The following MTMR7 variants were observed in gnomAD, a reference collection of about 807,000 sequenced individuals.
The protein encoded by MTMR7 is myotubularin related protein 7.
MTMR7 carries 76 observed loss-of-function variants against 81.2 expected under a neutral mutation model. That is an observed-to-expected ratio of 0.94 (90% CI 0.78 to 1.13). MTMR7 has a LOEUF of 1.13. MTMR7 is among the 50% of genes most tolerant of loss of function. MTMR7 has a pLI of 0.00. For missense variants in MTMR7, 1,044 were observed against 820.0 expected (o/e 1.27, Z -3.34); for synonymous variants, 372 against 289.8 (o/e 1.28, Z -2.88).
chr8:17,368,113 G>C (rs1285535745), intron 3 of MTMR7, among the ~76,000 whole-genome samples: 1 of 152,056 alleles, frequency 6.6e-6, no homozygotes, highest in Non-Finnish European at 1.5e-5. Flanking sequence ...GTTTCAGGAT[G>C]AAACTCTTCC....
chr8:17,362,558 CG>C (rs1207438666), intron 3 of MTMR7, among the ~76,000 whole-genome samples: 18 of 152,152 alleles, frequency 1.2e-4, no homozygotes, highest in African/African-American at 4.1e-4. Flanking sequence ...AGCCAGTTAC[CG>C]GAGAGTCCAG....
Position 17,341,349 on chromosome 8 carries a change from A to G in MTMR7, c.732+14T>C, listed in dbSNP as rs775409755. The G allele has an allele frequency of 6.2e-7, 1 of 1,613,792 alleles. No homozygotes were observed. Among genetic ancestry groups the G allele is most frequent in the East Asian group, 2.2e-5 (1 of 44,862 alleles). Reference sequence around the variant, plus strand: ...CTCAGGTGCAAAGACATGCATCGCAACGGTGACACTTACTTTAGGCCGGGT... The same window carrying G: ...CTCAGGTGCAAAGACATGCATCGCAGCGGTGACACTTACTTTAGGCCGGGT... On this transcript the variant is annotated intron_variant, in intron 6 of 13. Transcript: ENST00000180173.
chr8:17,369,853 G>C (rs189993501), intron 3 of MTMR7, among the ~76,000 whole-genome samples: 45 of 151,884 alleles, frequency 3.0e-4, no homozygotes, highest in Admixed American at 5.2e-4. Flanking sequence ...CGCCGTCTTA[G>C]CCAGGATGGT....
intron 1 of MTMR7, among the ~76,000 whole-genome samples, chr8:17,377,256 G>T (rs1407484440): frequency 2.0e-5 from 3 of 151,934 alleles, no homozygotes; most frequent in African/African-American, 7.2e-5. Context: ...TTCTTATGTG[G>T]TTACAGATCC....
chr8:17,311,457 G>A, intron 9 of MTMR7, 54 bp downstream of exon 9: 4 of 1,610,756 alleles, frequency 2.5e-6, no homozygotes, highest in Non-Finnish European at 3.4e-6. Context: ...AAAAACAGGG[G>A]TCCATTCCTG....
chr8:17,384,050 C>G (rs1820848758), intron 1 of MTMR7, among the ~76,000 whole-genome samples: 1 of 152,058 alleles, frequency 6.6e-6, no homozygotes, highest in Admixed American at 6.6e-5. Context: ...GACAAATGAT[C>G]CCATCTGTAA....
intron 5 of MTMR7, among the ~76,000 whole-genome samples, chr8:17,346,884 TAAAAAAA>T (rs55910829): frequency 7.4e-4 from 48 of 65,050 alleles, no homozygotes; most frequent in East Asian, 2.8e-3. Flanking sequence ...CCTATCTTAA[TAAAAAAA>T]AAAAAAAAAA....
chr8:17,321,969 C>G (rs1422220076), intron 7 of MTMR7, among the ~76,000 whole-genome samples: 4 of 152,180 alleles, frequency 2.6e-5, no homozygotes, highest in African/African-American at 7.2e-5. Context: ...ATTTCCTATA[C>G]CACTCTTATT....
At chr8:17,335,295 G>A (rs1337382475) in intron 6 of MTMR7, among the ~76,000 whole-genome samples, 1 of 152,108 alleles carries the variant, frequency 6.6e-6, no homozygotes, top group Non-Finnish European at 1.5e-5. Context: ...AGGCACTCAA[G>A]GAAGATTTAC....
intron 1 of MTMR7, among the ~76,000 whole-genome samples, chr8:17,412,539 G>C (rs1291452188): frequency 3.6e-4 from 55 of 152,280 alleles, no homozygotes; most frequent in Admixed American, 3.6e-3. Context: ...TTGGTACAGC[G>C]ATCAACGTTT....
chr8:17,371,223 T>A (rs1252037534), intron 2 of MTMR7, 24 bp from the exon 3 acceptor site: 3 of 1,611,108 alleles, frequency 1.9e-6, no homozygotes, highest in Admixed American at 1.7e-5. Context: ...TTAATGTGCA[T>A]AAGCTAAGCA....
intron 3 of MTMR7, among the ~76,000 whole-genome samples, chr8:17,366,663 G>C (rs907350411): frequency 4.6e-5 from 7 of 152,128 alleles, no homozygotes; most frequent in African/African-American, 7.2e-5. Context: ...GAGGCGGGCG[G>C]ATCATGAGGT....
intron 13 of MTMR7, among the ~76,000 whole-genome samples, chr8:17,301,360 G>C (rs1201677246): frequency 6.6e-6 from 1 of 152,188 alleles, no homozygotes; most frequent in Non-Finnish European, 1.5e-5. Context: ...ACAGGACTGT[G>C]AAAGATTTAA....
At chr8:17,388,080 G>A (rs1821004387) in intron 1 of MTMR7, among the ~76,000 whole-genome samples, 1 of 152,128 alleles carries the variant, frequency 6.6e-6, no homozygotes, top group Non-Finnish European at 1.5e-5. Flanking sequence ...GCCCATTTTT[G>A]CTCAGGAGAA....
intron 4 of MTMR7, among the ~76,000 whole-genome samples, chr8:17,354,790 T>C (rs979129503): frequency 6.6e-6 from 1 of 152,202 alleles, no homozygotes; most frequent in Non-Finnish European, 1.5e-5. Context: ...TCTCTCTCCA[T>C]GGATTATTAG....
At chr8:17,364,926 C>T (rs916576414) in intron 3 of MTMR7, among the ~76,000 whole-genome samples, 6 of 152,208 alleles carry the variant, frequency 3.9e-5, no homozygotes, top group Non-Finnish European at 8.8e-5. Context: ...TTCCAGTAAG[C>T]ACTCAAAAGT....
At chr8:17,389,485 A>C (rs1267815231) in intron 1 of MTMR7, among the ~76,000 whole-genome samples, 2 of 152,232 alleles carry the variant, frequency 1.3e-5, no homozygotes, top group African/African-American at 4.8e-5. Flanking sequence ...TCAGAACATC[A>C]CAGCAACCCT....
intron 1 of MTMR7, among the ~76,000 whole-genome samples, chr8:17,404,692 T>C (rs1407671112): frequency 2.0e-5 from 3 of 152,160 alleles, no homozygotes; most frequent in Admixed American, 2.0e-4. Flanking sequence ...CTTTAAAATA[T>C]ATATAGAAAT....
intron 4 of MTMR7, among the ~76,000 whole-genome samples, chr8:17,351,092 T>C (rs1819715749): frequency 6.6e-6 from 1 of 152,208 alleles, no homozygotes; most frequent in African/African-American, 2.4e-5. Context: ...TGTTTGAGGT[T>C]CAAGAGACAT....
Sources: allele counts gnomAD v4.1 joint callset (sites outside exome capture counted in the v4.1 genomes callset), GRCh38; gene constraint gnomAD v4.1.1; transcripts MANE v1.5; gene names NCBI Gene and HGNC (gene_info 2026-07-23, HGNC 2026-07-21).